Variants in CSMD1 observed in about 807,000 individuals in gnomAD.
CSMD1 encodes CUB and Sushi multiple domains 1, also known as CUB and sushi domain-containing protein 1.
A neutral mutation model predicts 417.5 loss-of-function variants in CSMD1; 213 were observed. The observed-to-expected ratio is 0.51, with a 90% CI of 0.46 to 0.57. The LOEUF is 0.57. Ranked by LOEUF, CSMD1 falls within the 20% of genes least tolerant of loss-of-function variation. CSMD1 has a pLI of 0.00. For missense variants in CSMD1, 6,923 were observed against 4,529.7 expected (o/e 1.53, Z -15.17); for synonymous variants, 2,862 against 1,736.8 (o/e 1.65, Z -16.11).
At chr8:4,138,419 G>C (rs1266738160) in intron 3 of CSMD1, among the ~76,000 whole-genome samples, 2 of 151,922 alleles carry the variant, frequency 1.3e-5, no homozygotes, top group African/African-American at 4.8e-5. Flanking sequence ...TGAGCTCTCA[G>C]CCTCAAAAAC....
chr8:4,018,523 C>T (rs1796630679), intron 4 of CSMD1, among the ~76,000 whole-genome samples: 1 of 152,144 alleles, frequency 6.6e-6, no homozygotes, highest in African/African-American at 2.4e-5. Flanking sequence ...CAGCAGCTTC[C>T]CTCTCTCTGG....
At chr8:4,230,674 A>T (rs979174907) in intron 3 of CSMD1, among the ~76,000 whole-genome samples, 4 of 152,210 alleles carry the variant, frequency 2.6e-5, no homozygotes, top group Non-Finnish European at 5.9e-5. Flanking sequence ...TAAATATTAT[A>T]AATTTTTACT....
chr8:3,925,698 G>A (rs575830036), intron 5 of CSMD1, among the ~76,000 whole-genome samples: 2 of 151,834 alleles, frequency 1.3e-5, no homozygotes, highest in Non-Finnish European at 2.9e-5. Flanking sequence ...CCACCACCAC[G>A]TAAGAAGTGC....
intron 3 of CSMD1, among the ~76,000 whole-genome samples, chr8:4,154,993 C>T (rs141002221): frequency 1.1e-3 from 160 of 152,264 alleles, no homozygotes; most frequent in Non-Finnish European, 1.8e-3. Flanking sequence ...TCCAGAAACA[C>T]GACTGCAAGT....
intron 1 of CSMD1, among the ~76,000 whole-genome samples, chr8:4,850,736 A>T (rs756657985): frequency 6.6e-6 from 1 of 151,850 alleles, no homozygotes; most frequent in Non-Finnish European, 1.5e-5. Context: ...GTGTGCACTC[A>T]TTGTTCCAGT....
At chr8:3,459,372 G>T (rs1455327188) in intron 12 of CSMD1, among the ~76,000 whole-genome samples, 2 of 152,108 alleles carry the variant, frequency 1.3e-5, no homozygotes, top group East Asian at 1.9e-4. Flanking sequence ...GACGGGAATC[G>T]CACGGTGGAT....
At chr8:3,377,305 C>G (rs1424453815) in intron 18 of CSMD1, among the ~76,000 whole-genome samples, 1 of 152,132 alleles carries the variant, frequency 6.6e-6, no homozygotes, top group African/African-American at 2.4e-5. Flanking sequence ...AGCCACCATG[C>G]CTGGCTTATT....
chr8:4,217,797 A>G (rs1264726799), intron 3 of CSMD1, among the ~76,000 whole-genome samples: 3 of 152,204 alleles, frequency 2.0e-5, no homozygotes, highest in African/African-American at 7.2e-5. Flanking sequence ...GAGACCACAG[A>G]GTATGAGGTC....
intron 1 of CSMD1, among the ~76,000 whole-genome samples, chr8:4,848,804 A>G (rs2116819729): frequency 6.6e-6 from 1 of 152,342 alleles, no homozygotes; most frequent in South Asian, 2.1e-4. Flanking sequence ...TCAGCCTTCC[A>G]AAGTGCTGGG....
chr8:3,862,201 T>C (rs917881446), intron 5 of CSMD1, among the ~76,000 whole-genome samples: 13 of 152,202 alleles, frequency 8.5e-5, no homozygotes, highest in Admixed American at 5.9e-4. Flanking sequence ...TCTAACTCTT[T>C]TACAAATTAT....
intron 3 of CSMD1, among the ~76,000 whole-genome samples, chr8:4,157,549 C>A (rs757077305): frequency 2.6e-5 from 4 of 152,136 alleles, no homozygotes; most frequent in Non-Finnish European, 5.9e-5. Flanking sequence ...TAGTCAATGA[C>A]TGTGTTGTCA....
In CSMD1 at chr8:3,332,828, G is replaced by A. The variant is rs1806993813; in HGVS notation, c.3631+10466C>T. On this transcript the variant is annotated intron_variant, in intron 23 of 69. Coordinates refer to ENST00000635120, the MANE Select transcript of CSMD1 (RefSeq NM_033225.6). ...CTGCTCCAACCCTGGATGTATGAAT[G>A]ATTCTTCTCCTTCCTTGAGTGTGGG... Among the ~76,000 whole-genome samples the A allele has an allele frequency of 3.3e-5, 5 of 152,302 alleles. No homozygotes were observed. In the South Asian group the frequency reaches 8.3e-4, roughly 25 times the overall value.
intron 3 of CSMD1, among the ~76,000 whole-genome samples, chr8:4,364,307 C>G (rs1379073428): frequency 7.9e-5 from 12 of 152,130 alleles, no homozygotes; most frequent in Non-Finnish European, 1.8e-4. Context: ...CATTAAGGTC[C>G]TCTTGATAAG....
At chr8:4,147,375 G>A (rs1804203098) in intron 3 of CSMD1, among the ~76,000 whole-genome samples, 1 of 151,970 alleles carries the variant, frequency 6.6e-6, no homozygotes, top group African/African-American at 2.4e-5. Flanking sequence ...CAGTGGCTGT[G>A]CTCTCCTCCA....
intron 1 of CSMD1, among the ~76,000 whole-genome samples, chr8:4,765,825 T>G (rs17071242): frequency 0.011 from 1,627 of 152,246 alleles, 30 homozygotes; most frequent in African/African-American, 0.037. Context: ...GAGTTAACAA[T>G]AGTTAGAGAG....
Position 4,425,537 on chromosome 8 carries a change from G to A in CSMD1, c.303-5472C>T, listed in dbSNP as rs1797499641. On this transcript the variant is annotated intron_variant, in intron 2 of 69. Transcript: ENST00000635120. ...TGGCTGCGAGTAAGGAATCTTATAA[G>A]GAGCTGGCAAGACTCACTCCTTGGT... is the stretch of plus-strand genomic sequence containing the variant. Among the ~76,000 whole-genome samples, 3 of 152,060 alleles carry A rather than the reference G, an allele frequency of 2.0e-5. No homozygotes were observed. In the South Asian group the frequency reaches 6.2e-4, roughly 31 times the overall value.
At chr8:4,450,310 G>T (rs1054467487) in intron 2 of CSMD1, among the ~76,000 whole-genome samples, 1 of 152,154 alleles carries the variant, frequency 6.6e-6, no homozygotes, top group Non-Finnish European at 1.5e-5. Flanking sequence ...CTGCAACTCA[G>T]AGTATTTTTT....
chr8:4,658,290 T>C (rs1057386246), intron 1 of CSMD1, among the ~76,000 whole-genome samples: 2 of 152,134 alleles, frequency 1.3e-5, no homozygotes, highest in Admixed American at 1.3e-4. Context: ...AGATCCATAC[T>C]GGGACATATT....
intron 3 of CSMD1, among the ~76,000 whole-genome samples, chr8:4,189,435 G>A (rs530983963): frequency 2.0e-5 from 3 of 152,254 alleles, no homozygotes; most frequent in South Asian, 4.1e-4. Flanking sequence ...GAAAAAAACA[G>A]TAGTCCAGCA....
Sources: allele counts gnomAD v4.1 joint callset (sites outside exome capture counted in the v4.1 genomes callset), GRCh38; gene constraint gnomAD v4.1.1; transcripts MANE v1.5; gene names NCBI Gene and HGNC (gene_info 2026-07-23, HGNC 2026-07-21).